GRM5: variants seen among roughly 807,000 people sequenced by gnomAD.
GRM5 encodes the protein glutamate metabotropic receptor 5, also known as metabotropic glutamate receptor 5.
Under a neutral mutation model 83.1 loss-of-function variants are expected in GRM5, and 19 were observed. The ratio of observed to expected loss-of-function variants is 0.23; its 90% CI spans 0.16 to 0.34. The LOEUF is 0.34. GRM5 is among the 10% of genes least tolerant of loss of function. The pLI is 1.00. For missense variants in GRM5, 1,160 were observed against 1,588.3 expected (o/e 0.73, Z 4.58); for synonymous variants, 675 against 633.6 (o/e 1.07, Z -0.98).
chr11:88,991,461 C>T (rs969324636), intron 2 of GRM5, among the ~76,000 whole-genome samples: 2 of 151,916 alleles, frequency 1.3e-5, no homozygotes, highest in African/African-American at 2.4e-5. Context: ...AGATTCAATG[C>T]CATCCCCATC....
chr11:88,681,565 C>CTTTTTTTT lies in GRM5; in HGVS notation c.912-28170_912-28163dup, dbSNP rs796854617. 3.2e-3 allele frequency among the ~76,000 whole-genome samples: 82 copies of CTTTTTTTT among 25,416 alleles called. 13 individuals carry two copies. The highest frequency in any genetic ancestry group is 9.1e-3 in the East Asian group (5 of 552). 16.7% of individuals were successfully genotyped at this position (25,416 alleles called of 152,430 possible). A position where few individuals can be genotyped will look rare whatever the true frequency, so the allele number is the denominator to read the frequency against. On this transcript the variant is annotated intron_variant, in intron 3 of 9. Coordinates refer to ENST00000305447, the MANE Select transcript of GRM5 (RefSeq NM_001143831.3). ...ATAAACTCAAGAGGTTGAGTTCTTC[C>CTTTTTTTT]TTTTTTTTTTTTTTTTTTTTTTTTG...
chr11:88,752,629 A>G (rs1001848349), intron 3 of GRM5, among the ~76,000 whole-genome samples: 1 of 152,250 alleles, frequency 6.6e-6, no homozygotes, highest in Admixed American at 6.5e-5. Context: ...ACCAAAAAAG[A>G]GCCCAAATGG....
At chr11:88,868,232 A>T (rs1944704423) in intron 2 of GRM5, among the ~76,000 whole-genome samples, 1 of 152,022 alleles carries the variant, frequency 6.6e-6, no homozygotes, top group Non-Finnish European at 1.5e-5. Flanking sequence ...GTAGGCAATC[A>T]TAAAGAGCTC....
intron 6 of GRM5, among the ~76,000 whole-genome samples, chr11:88,596,628 T>C (rs1937813271): frequency 6.6e-6 from 1 of 152,130 alleles, no homozygotes; most frequent in African/African-American, 2.4e-5. Context: ...TGAAATCATA[T>C]TCATTTTCTA....
At chr11:88,998,727 C>A (rs565846871) in intron 2 of GRM5, among the ~76,000 whole-genome samples, 1 of 152,252 alleles carries the variant, frequency 6.6e-6, no homozygotes, top group Non-Finnish European at 1.5e-5. Flanking sequence ...CAAGTGAGTT[C>A]AGCAAAGCTT....
At chr11:88,591,762 G>A (rs887165271) in intron 6 of GRM5, among the ~76,000 whole-genome samples, 2 of 152,144 alleles carry the variant, frequency 1.3e-5, no homozygotes, top group Non-Finnish European at 2.9e-5. Context: ...TACAAGCAGG[G>A]AATAATGGCA....
At chr11:88,912,022 G>T (rs1280399491) in intron 2 of GRM5, 1 of 469,604 alleles carries the variant, frequency 2.1e-6, no homozygotes. Context: ...GGGTGTTGAT[G>T]AGAAGTCACA....
At chr11:88,660,104 T>C (rs1939866231) in intron 3 of GRM5, among the ~76,000 whole-genome samples, 1 of 152,194 alleles carries the variant, frequency 6.6e-6, no homozygotes, top group African/African-American at 2.4e-5. Context: ...CAACAGTCCA[T>C]TAGGCATGAC....
chr11:88,872,425 T>C (rs1412555747), intron 2 of GRM5, among the ~76,000 whole-genome samples: 1 of 151,572 alleles, frequency 6.6e-6, no homozygotes, highest in African/African-American at 2.4e-5. Context: ...TGCAATTATT[T>C]CTCCTTCAAG....
intron 9 of GRM5, among the ~76,000 whole-genome samples, chr11:88,509,878 G>C (rs777506497): frequency 6.6e-6 from 1 of 152,148 alleles, no homozygotes; most frequent in African/African-American, 2.4e-5. Flanking sequence ...CAAGTGCCTG[G>C]TACAGGACAG....
intron 8 of GRM5, among the ~76,000 whole-genome samples, chr11:88,565,898 CTGAT>C (rs1228088978): frequency 2.6e-5 from 4 of 152,172 alleles, no homozygotes; most frequent in Non-Finnish European, 4.4e-5. Context: ...CAACTATCCT[CTGAT>C]TTATTTTCAA....
At chr11:88,725,938 T>G (rs1443475879) in intron 3 of GRM5, among the ~76,000 whole-genome samples, 2 of 151,694 alleles carry the variant, frequency 1.3e-5, no homozygotes, top group East Asian at 3.9e-4. Flanking sequence ...AAAAAAACAG[T>G]GCAAAAAGGT....
At chr11:89,004,092 T>G (rs941022133) in intron 2 of GRM5, among the ~76,000 whole-genome samples, 1 of 152,170 alleles carries the variant, frequency 6.6e-6, no homozygotes, top group Non-Finnish European at 1.5e-5. Context: ...GAGTTCAGGG[T>G]GTTGAAGAGG....
At chr11:88,933,012 T>C (rs1022844985) in intron 2 of GRM5, among the ~76,000 whole-genome samples, 1 of 151,950 alleles carries the variant, frequency 6.6e-6, no homozygotes, top group Non-Finnish European at 1.5e-5. Context: ...AAACACACTA[T>C]CTGAGATTCT....
At chr11:88,518,594 T>A (rs545684508) in intron 9 of GRM5, among the ~76,000 whole-genome samples, 3 of 152,102 alleles carry the variant, frequency 2.0e-5, no homozygotes, top group African/African-American at 7.2e-5. Context: ...ATGTAACTAT[T>A]CACTGAGAAT....
chr11:88,576,903 C>CCTT (rs1361736727), intron 7 of GRM5, among the ~76,000 whole-genome samples: 5 of 152,030 alleles, frequency 3.3e-5, no homozygotes, highest in Non-Finnish European at 7.4e-5. Context: ...CTTGCCAGAC[C>CCTT]CTTGTCAAGA....
At position 88,583,812 on chromosome 11, in the gene GRM5, C is replaced by T. The variant is rs188109313; in HGVS notation, c.1690+6789G>A. Among the ~76,000 whole-genome samples, 7 of 152,332 alleles carry T rather than the reference C, an allele frequency of 4.6e-5. No individual in the cohort carries two copies. The East Asian group carries it at 9.6e-4, about 21-fold the overall frequency. Reference sequence around the variant, plus strand: ...AATGCTTTTCAGATAATTCTCTGAACGTCTAGCTCAAATTGTTGCCTTTTA... The same window carrying T: ...AATGCTTTTCAGATAATTCTCTGAATGTCTAGCTCAAATTGTTGCCTTTTA... On this transcript the variant is annotated intron_variant, in intron 7 of 9. Coordinates refer to ENST00000305447, the MANE Select transcript of GRM5 (RefSeq NM_001143831.3).
intron 2 of GRM5, among the ~76,000 whole-genome samples, chr11:89,039,537 C>CA (rs970015658): frequency 6.1e-4 from 91 of 149,602 alleles, no homozygotes; most frequent in South Asian, 4.2e-4. Flanking sequence ...TGCTAATAAA[C>CA]AAAAAAAAAA....
intron 2 of GRM5, among the ~76,000 whole-genome samples, chr11:89,014,843 A>T (rs1431439605): frequency 6.6e-6 from 1 of 152,156 alleles, no homozygotes; most frequent in Non-Finnish European, 1.5e-5. Flanking sequence ...ATAATTTTTT[A>T]AAAATTTTAA....
Sources: allele counts gnomAD v4.1 joint callset (sites outside exome capture counted in the v4.1 genomes callset), GRCh38; gene constraint gnomAD v4.1.1; transcripts MANE v1.5; gene names NCBI Gene and HGNC (gene_info 2026-07-23, HGNC 2026-07-21).